The following IP6K1 variants were observed in gnomAD, a reference collection of about 807,000 sequenced individuals.
IP6K1 encodes the protein inositol hexakisphosphate kinase 1.
Under a neutral mutation model 38.3 loss-of-function variants are expected in IP6K1, and 13 were observed. The observed-to-expected ratio is 0.34, with a 90% CI of 0.22 to 0.54. The LOEUF is 0.54. IP6K1 is among the 20% of genes least tolerant of loss of function. IP6K1 has a pLI of 0.92. For synonymous variants in IP6K1, 212 were observed against 229.9 expected (o/e 0.92, Z 0.70); for missense variants, 397 against 599.8 (o/e 0.66, Z 3.53).
intron 1 of IP6K1, among the ~76,000 whole-genome samples, chr3:49,753,408 C>T (rs2080795575): frequency 6.6e-6 from 1 of 152,134 alleles, no homozygotes; most frequent in Non-Finnish European, 1.5e-5. Context: ...ACCACCTGCA[C>T]CCTCCACCCC....
At position 49,749,552 on chromosome 3, in the gene IP6K1, G is replaced by T. The variant is rs562669865; in HGVS notation, c.-128-1384C>A. ...TAAGAGACAAACCATCGGGTTTTTT[G>T]TTGTTGTTGTTTTTCCTGGATCTTG... On this transcript the variant is annotated intron_variant, in intron 1 of 5. Transcript: ENST00000321599. Among the ~76,000 whole-genome samples, 15 of 152,244 alleles carry T rather than the reference G, an allele frequency of 9.9e-5. 1 individual carries two copies. The Middle Eastern group carries it at 0.01, about 104-fold the overall frequency.
chr3:49,739,089 T>C (rs1276981496), intron 2 of IP6K1, among the ~76,000 whole-genome samples: 1 of 152,166 alleles, frequency 6.6e-6, no homozygotes, highest in African/African-American at 2.4e-5. Flanking sequence ...CCCTCTCAAG[T>C]GTTCTTAATA....
intron 1 of IP6K1, among the ~76,000 whole-genome samples, chr3:49,754,949 G>A (rs540788863): frequency 6.6e-6 from 1 of 151,044 alleles, no homozygotes; most frequent in South Asian, 2.1e-4. Context: ...TTGAGACAGG[G>A]TCTCACACTG....
chr3:49,778,279 C>T lies in IP6K1; in HGVS notation c.-129+8075G>A, dbSNP rs1462228160. On this transcript the variant is annotated intron_variant, in intron 1 of 5. Coordinates refer to ENST00000321599, the MANE Select transcript of IP6K1 (RefSeq NM_153273.4). ...GGTGGAGGTTGCAGTGAACTGAGAT[C>T]GCGCCACTGCACTCCAGCCTGGGCA... Among the ~76,000 whole-genome samples, 7 of 149,920 alleles carry T rather than the reference C, an allele frequency of 4.7e-5. No homozygotes were observed. The East Asian group carries it at 7.9e-4, about 17-fold the overall frequency.
At position 49,725,667 on chromosome 3, in the gene IP6K1, T is replaced by C. The variant is rs559848548; in HGVS notation, c.*1455A>G. 15 of 152,794 alleles carry C rather than the reference T, an allele frequency of 9.8e-5. No individual in the cohort carries two copies. Among genetic ancestry groups the C allele is most frequent in the African/African-American group, 2.9e-4 (12 of 41,572 alleles). 9.5% of individuals were successfully genotyped at this position (152,794 alleles called of 1,614,324 possible). ...GTGCTAACCTTGGCAATGGCTGAAA[T>C]CGGTGTCACCTCCTGGCCATCTGTT... On this transcript the variant is annotated 3_prime_UTR_variant, in exon 6 of 6. Coordinates refer to ENST00000321599, the MANE Select transcript of IP6K1 (RefSeq NM_153273.4).
chr3:49,767,280 A>T (rs921299885), intron 1 of IP6K1, among the ~76,000 whole-genome samples: 6 of 151,888 alleles, frequency 4.0e-5, no homozygotes, highest in Admixed American at 3.9e-4. Context: ...CCTATCTCTT[A>T]AAAAATAATA....
At position 49,727,541 on chromosome 3, in the gene IP6K1, G is replaced by A. The variant is rs1015071633; in HGVS notation, c.907C>T (p.Leu303=). Residue 303 remains leucine (L), a synonymous_variant, in exon 6 of 6, where the codon CTG becomes TTG. Coordinates refer to ENST00000321599, the MANE Select transcript of IP6K1 (RefSeq NM_153273.4). This position sits in a 1 kb window ranked among gnomAD's most constrained non-coding sequence, Gnocchi z 5.9. ...LYQYLHNGLD[L]RRDLFEPILS... ...ATAGGCTCAAACAGGTCACGTCGCA[G>A]GTCCAGGCCATTGTGCAGATATTGA... 25 of 1,614,104 alleles carry A rather than the reference G, an allele frequency of 1.5e-5. No individual in the cohort carries two copies. Among genetic ancestry groups the A allele is most frequent in the Non-Finnish European group, 1.9e-5 (23 of 1,180,046 alleles).
At chr3:49,734,392 T>A (rs1195610945) in intron 3 of IP6K1, among the ~76,000 whole-genome samples, 2 of 124,008 alleles carry the variant, frequency 1.6e-5, no homozygotes, top group Admixed American at 2.1e-4. Context: ...TTACCGTAAT[T>A]TCTTTTTTTT....
intron 2 of IP6K1, among the ~76,000 whole-genome samples, chr3:49,744,090 A>G (rs1445195115): frequency 1.3e-5 from 2 of 151,750 alleles, no homozygotes; most frequent in Admixed American, 6.6e-5. Flanking sequence ...CATTCCTTCT[A>G]TATTTATTAA....
At chr3:49,783,451 G>C (rs928522159) in intron 1 of IP6K1, among the ~76,000 whole-genome samples, 1 of 151,772 alleles carries the variant, frequency 6.6e-6, no homozygotes, top group Non-Finnish European at 1.5e-5. Context: ...AGTAGCTCTC[G>C]CCTGTAATCC....
intron 2 of IP6K1, among the ~76,000 whole-genome samples, chr3:49,744,737 T>A (rs955814953): frequency 6.6e-6 from 1 of 152,204 alleles, no homozygotes; most frequent in African/African-American, 2.4e-5. Flanking sequence ...GATATACTGA[T>A]TGCTACTGAA....
intron 3 of IP6K1, among the ~76,000 whole-genome samples, chr3:49,737,666 C>G (rs1198232086): frequency 1.3e-5 from 2 of 152,130 alleles, no homozygotes; most frequent in Non-Finnish European, 2.9e-5. Context: ...AGCCTAACAG[C>G]AAGACTCCAT....
At chr3:49,773,845 A>G (rs76424424) in intron 1 of IP6K1, among the ~76,000 whole-genome samples, 6,280 of 152,192 alleles carry the variant, frequency 0.041, 182 homozygotes, top group Non-Finnish European at 0.064. Flanking sequence ...CAAGTTGAGC[A>G]TAAGTCTTTA....
Position 49,772,687 on chromosome 3 carries a change from G to GCCACCATGT in IP6K1, c.-129+13666_-129+13667insACATGGTGG, listed in dbSNP as rs1219191811. ...CAAAGTGCTGGGATTACAGGCATGA[G>GCCACCATGT]CCACCACACCCAGCCTCTCTCTACT... On this transcript the variant is annotated intron_variant, in intron 1 of 5. Transcript: ENST00000321599. Among the ~76,000 whole-genome samples the GCCACCATGT allele has an allele frequency of 2.8e-4, 43 of 151,210 alleles. No individual in the cohort carries two copies. The South Asian group carries it at 8.8e-3, about 31-fold the overall frequency.
At chr3:49,758,933 C>A (rs910010128) in intron 1 of IP6K1, among the ~76,000 whole-genome samples, 1 of 145,496 alleles carries the variant, frequency 6.9e-6, no homozygotes, top group Middle Eastern at 3.2e-3. Context: ...GATGACAGAG[C>A]GAGACTCTGT....
At chr3:49,742,291 T>C (rs1034237782) in intron 2 of IP6K1, among the ~76,000 whole-genome samples, 5 of 152,236 alleles carry the variant, frequency 3.3e-5, no homozygotes, top group Non-Finnish European at 5.9e-5. Context: ...GGCTTACGCC[T>C]GTAATCCCAG....
At chr3:49,765,771 T>C (rs1424150379) in intron 1 of IP6K1, among the ~76,000 whole-genome samples, 3 of 149,326 alleles carry the variant, frequency 2.0e-5, no homozygotes, top group Non-Finnish European at 4.5e-5. Flanking sequence ...ACCCAGGCAC[T>C]GTGGCTCACA....
At chr3:49,764,110 C>T (rs1470209687) in intron 1 of IP6K1, among the ~76,000 whole-genome samples, 4 of 151,380 alleles carry the variant, frequency 2.6e-5, no homozygotes, top group East Asian at 2.0e-4. Context: ...CTACTGGGTG[C>T]GGTGGCTCAT....
At chr3:49,748,300 C>T (rs1288627773) in intron 1 of IP6K1, 132 bp from the exon 2 acceptor site, 22 of 486,420 alleles carry the variant, frequency 4.5e-5, no homozygotes, top group East Asian at 2.9e-4. Context: ...TACAATACTA[C>T]GTGGCACATG....
Sources: allele counts gnomAD v4.1 joint callset (sites outside exome capture counted in the v4.1 genomes callset), GRCh38; gene constraint gnomAD v4.1.1; non-coding constraint Gnocchi (gnomAD v3.1); transcripts MANE v1.5; gene names NCBI Gene and HGNC (gene_info 2026-07-23, HGNC 2026-07-21).